MYO5B: variants seen among roughly 807,000 people sequenced by gnomAD.
The protein encoded by MYO5B is unconventional myosin-Vb.
Under a neutral mutation model 229.3 loss-of-function variants are expected in MYO5B, and 143 were observed. The observed-to-expected ratio is 0.62, with a 90% CI of 0.54 to 0.72. MYO5B has a LOEUF of 0.72. MYO5B is among the 30% of genes least tolerant of loss of function. MYO5B has a pLI of 0.00. For missense variants in MYO5B, 2,321 were observed against 2,331.0 expected (o/e 1.00, Z 0.09); for synonymous variants, 918 against 885.2 (o/e 1.04, Z -0.66).
At chr18:50,030,635 C>T (rs1197993814) in intron 4 of MYO5B, among the ~76,000 whole-genome samples, 2 of 152,040 alleles carry the variant, frequency 1.3e-5, no homozygotes, top group Non-Finnish European at 2.9e-5. Flanking sequence ...TCATGGGCTC[C>T]AGATCCCATC....
chr18:50,039,892 T>A (rs1017548802), intron 3 of MYO5B, among the ~76,000 whole-genome samples: 5 of 152,166 alleles, frequency 3.3e-5, no homozygotes, highest in Non-Finnish European at 5.9e-5. Context: ...AGGACTGAGC[T>A]AAGCCAGTCG....
chr18:50,019,433 C>T (rs1296791455), intron 4 of MYO5B, among the ~76,000 whole-genome samples: 1 of 152,216 alleles, frequency 6.6e-6, no homozygotes, highest in Non-Finnish European at 1.5e-5. Flanking sequence ...TCTACAAACA[C>T]AATCCTCTAT....
At chr18:49,962,749 A>G (rs1199300319) in intron 11 of MYO5B, among the ~76,000 whole-genome samples, 200 bp downstream of exon 11, 2 of 152,118 alleles carry the variant, frequency 1.3e-5, no homozygotes, top group African/African-American at 2.4e-5. Flanking sequence ...TTCCCCTCTC[A>G]GCACAGTTGC....
chr18:50,187,548 ACT>A (rs141202099), intron 1 of MYO5B, among the ~76,000 whole-genome samples: 1,706 of 152,068 alleles, frequency 0.011, 33 homozygotes, highest in African/African-American at 0.039. Context: ...ACAGGGTCTC[ACT>A]CTGTCACCCA....
Position 49,837,645 on chromosome 18 carries a change from G to A in MYO5B, c.5010C>T (p.Asp1670=). 1 of 1,613,994 alleles carries A rather than the reference G, an allele frequency of 6.2e-7. No individual in the cohort carries two copies. The highest frequency in any genetic ancestry group is 8.5e-7 in the Non-Finnish European group (1 of 1,179,888). Residue 1670 remains aspartate, a synonymous_variant, in exon 37 of 40, where the codon GAC becomes GAT. Transcript: ENST00000285039. ...GGATGATCTCAGGGTCCAAGCCCTG[G>A]TCACACATGACTGTATGAAAGGCAT... is the stretch of plus-strand genomic sequence containing the variant. ...QMNAFHTVMC[D]QGLDPEIILQ...
intron 1 of MYO5B, among the ~76,000 whole-genome samples, chr18:50,114,005 A>G (rs1568112031): frequency 6.6e-6 from 1 of 152,206 alleles, no homozygotes; most frequent in Non-Finnish European, 1.5e-5. Context: ...TCACAGCCCC[A>G]TTTAGGGCAT....
intron 1 of MYO5B, among the ~76,000 whole-genome samples, chr18:50,093,155 ATAC>A (rs983620749): frequency 1.3e-5 from 2 of 151,872 alleles, no homozygotes; most frequent in African/African-American, 2.4e-5. Flanking sequence ...AAATGGTGAA[ATAC>A]TACTAACCTA....
chr18:50,098,119 A>G (rs551545219), intron 1 of MYO5B, among the ~76,000 whole-genome samples: 57 of 152,250 alleles, frequency 3.7e-4, no homozygotes, highest in African/African-American at 1.3e-3. Flanking sequence ...GAAATAAAAT[A>G]TTTGCTTTAA....
chr18:49,905,188 G>A lies in MYO5B; in HGVS notation c.2415-360C>T, dbSNP rs2024885953. Among the ~76,000 whole-genome samples, 4 of 152,240 alleles carry A rather than the reference G, an allele frequency of 2.6e-5. No homozygotes were observed. The South Asian group carries it at 8.3e-4, about 32-fold the overall frequency. On this transcript the variant is annotated intron_variant, in intron 19 of 39. Coordinates refer to ENST00000285039, the MANE Select transcript of MYO5B (RefSeq NM_001080467.3). ...GCATTCTACATCATGTGTTCACATT[G>A]CTGCCTGTCCTCTGTACCTCCCCAG...
rs577310434 is a variant in MYO5B, at chr18:49,951,553, A to G, written c.1752+1707T>C. ...ATTAATAAAAGATAACCTGCTGGAG[A>G]GTGAATATAACAGAGTTTTCCGGGC... On this transcript the variant is annotated intron_variant, in intron 14 of 39. Coordinates refer to ENST00000285039, the MANE Select transcript of MYO5B (RefSeq NM_001080467.3). Among the ~76,000 whole-genome samples the G allele has an allele frequency of 2.0e-5, 3 of 152,298 alleles. No individual in the cohort carries two copies. In the South Asian group the frequency reaches 6.2e-4, roughly 32 times the overall value.
chr18:50,174,447 C>G (rs774694317), intron 1 of MYO5B, among the ~76,000 whole-genome samples: 1 of 152,156 alleles, frequency 6.6e-6, no homozygotes, highest in African/African-American at 2.4e-5. Context: ...GCCCTGCATT[C>G]CAGTCCTATT....
intron 29 of MYO5B, among the ~76,000 whole-genome samples, chr18:49,858,639 A>G (rs2024291585): frequency 1.3e-5 from 2 of 152,252 alleles, no homozygotes; most frequent in Admixed American, 1.3e-4. Context: ...GCTGACTCAC[A>G]CAAGGAAGTT....
chr18:50,108,106 G>T (rs1410473376), intron 1 of MYO5B, among the ~76,000 whole-genome samples: 1 of 152,044 alleles, frequency 6.6e-6, no homozygotes, highest in Non-Finnish European at 1.5e-5. Flanking sequence ...ATGGGGTTTC[G>T]CCATGTTGCC....
chr18:50,100,672 C>T (rs958474921), intron 1 of MYO5B, among the ~76,000 whole-genome samples: 4 of 152,334 alleles, frequency 2.6e-5, no homozygotes, highest in South Asian at 4.1e-4. Context: ...AAGCCACATA[C>T]TATGCATGCA....
intron 4 of MYO5B, among the ~76,000 whole-genome samples, chr18:50,016,445 A>AAT (rs2026216498): frequency 6.6e-6 from 1 of 152,172 alleles, no homozygotes; most frequent in Non-Finnish European, 1.5e-5. Flanking sequence ...TCTTTAACAT[A>AAT]ATGTGTATCT....
chr18:49,959,399 C>T (rs1050424531), intron 12 of MYO5B, among the ~76,000 whole-genome samples: 21 of 152,188 alleles, frequency 1.4e-4, no homozygotes, highest in African/African-American at 4.8e-4. Context: ...TACACGAAAG[C>T]GCTAGACAAG....
In MYO5B at chr18:49,925,413, C is replaced by T. The variant is rs565249083; in HGVS notation, c.2090+4099G>A. 3.3e-5 allele frequency among the ~76,000 whole-genome samples: 5 copies of T among 152,332 alleles called. No individual in the cohort carries two copies. In the East Asian group the frequency reaches 9.6e-4, roughly 29 times the overall value. On this transcript the variant is annotated intron_variant, in intron 17 of 39. Coordinates refer to ENST00000285039, the MANE Select transcript of MYO5B (RefSeq NM_001080467.3). ...TATGTCTCTCTAAAATGTATCAAAC[C>T]AAGTTGTGGCCTGACCACCTTGGAC...
At chr18:50,129,376 A>G (rs1013241196) in intron 1 of MYO5B, among the ~76,000 whole-genome samples, 3 of 152,354 alleles carry the variant, frequency 2.0e-5, no homozygotes, top group Middle Eastern at 3.4e-3. Context: ...CATGCCACCA[A>G]TGTAACTAAA....
intron 2 of MYO5B, among the ~76,000 whole-genome samples, chr18:50,044,538 A>G (rs563124954): frequency 6.6e-6 from 1 of 152,120 alleles, no homozygotes; most frequent in Non-Finnish European, 1.5e-5. Context: ...AATCAGGAAC[A>G]GATGGAGGTC....
Sources: allele counts gnomAD v4.1 joint callset (sites outside exome capture counted in the v4.1 genomes callset), GRCh38; gene constraint gnomAD v4.1.1; transcripts MANE v1.5; gene names NCBI Gene and HGNC (gene_info 2026-07-23, HGNC 2026-07-21).